Variants in BRF1 observed in about 807,000 individuals in gnomAD.
The protein encoded by BRF1 is transcription factor IIIB 90 kDa subunit.
BRF1 carries 59 observed loss-of-function variants against 81.7 expected under a neutral mutation model. That is an observed-to-expected ratio of 0.72 (90% CI 0.59 to 0.90). BRF1 has a LOEUF of 0.90. Ranked by LOEUF, BRF1 falls within the 40% of genes least tolerant of loss-of-function variation. BRF1 has a pLI of 0.00. For missense variants in BRF1, 1,050 were observed against 936.3 expected (o/e 1.12, Z -1.58); for synonymous variants, 491 against 395.6 (o/e 1.24, Z -2.86).
chr14:105,219,093 A>AC (rs958617367), intron 13 of BRF1, 40 bp from the exon 14 acceptor site: 2 of 1,613,960 alleles, frequency 1.2e-6, no homozygotes, highest in Non-Finnish European at 1.7e-6. Context: ...CTGAGGGCCC[A>AC]CGCCCCAGGC....
chr14:105,262,728 C>G (rs1287082954), intron 3 of BRF1, among the ~76,000 whole-genome samples: 1 of 152,188 alleles, frequency 6.6e-6, no homozygotes, highest in Non-Finnish European at 1.5e-5. Context: ...GCTCCCAGCC[C>G]CTGGCTTTCA....
At chr14:105,268,442 C>T (rs2056517945) in intron 3 of BRF1, among the ~76,000 whole-genome samples, 1 of 152,242 alleles carries the variant, frequency 6.6e-6, no homozygotes. Flanking sequence ...CTCCAGGAAT[C>T]CGGGACTGGC....
At chr14:105,291,781 T>G (rs966786642) in intron 1 of BRF1, among the ~76,000 whole-genome samples, 36 of 152,044 alleles carry the variant, frequency 2.4e-4, no homozygotes, top group Non-Finnish European at 4.0e-4. Context: ...GTGGATCACC[T>G]GAGGTCAGGA....
chr14:105,281,447 C>A (rs1256339318), intron 2 of BRF1, among the ~76,000 whole-genome samples: 1 of 147,950 alleles, frequency 6.8e-6, no homozygotes, highest in Non-Finnish European at 1.5e-5. Flanking sequence ...ATCCTGAGCC[C>A]GGGTGTGTGG....
intron 5 of BRF1, chr14:105,241,918 C>T (rs775318710): frequency 5.9e-5 from 11 of 186,436 alleles, no homozygotes; most frequent in Non-Finnish European, 9.1e-5. Flanking sequence ...TGAGGCCTGG[C>T]GCTGTGCACC....
chr14:105,217,248 G>A, intron 15 of BRF1: 2 of 524,270 alleles, frequency 3.8e-6, no homozygotes, highest in Non-Finnish European at 3.4e-6. Flanking sequence ...GCTGGAGAAG[G>A]CACCGACCCC....
rs901653032 is a variant in BRF1, at chr14:105,210,670, G to GC, written c.1997-83dup. On this transcript the variant is annotated intron_variant, in intron 17 of 17. Coordinates refer to ENST00000547530, the MANE Select transcript of BRF1 (RefSeq NM_001519.4). The surrounding 1 kb of genome is among the most constrained non-coding windows in gnomAD (Gnocchi z 4.7). ...CCCCCCAACCCGCCCTGTTCCTGGTGCCCCCCTAGAAGACTCAGGCTCCAG... is the reference window on the plus strand; with the variant it reads ...CCCCCCAACCCGCCCTGTTCCTGGTGCCCCCCCTAGAAGACTCAGGCTCCAG... 9 of 1,489,756 alleles carry GC rather than the reference G, an allele frequency of 6.0e-6. No homozygotes were observed. In the Admixed American group the frequency reaches 1.3e-4, roughly 21 times the overall value. The allele number at this position is 1,489,756 out of a possible 1,614,324, so 92.3% of individuals were successfully genotyped here.
At chr14:105,265,828 G>A (rs781761011) in intron 3 of BRF1, among the ~76,000 whole-genome samples, 6 of 149,726 alleles carry the variant, frequency 4.0e-5, no homozygotes, top group African/African-American at 7.4e-5. Context: ...GTGAACCCGC[G>A]AGGCAGAGCT....
intron 1 of BRF1, among the ~76,000 whole-genome samples, chr14:105,313,186 C>A (rs1338475792): frequency 6.6e-6 from 1 of 152,216 alleles, no homozygotes; most frequent in African/African-American, 2.4e-5. Context: ...ATGTGTCAGG[C>A]GGCCCATCCG....
intron 5 of BRF1, chr14:105,249,435 C>A (rs1279482059): frequency 1.2e-6 from 2 of 1,613,642 alleles, no homozygotes; most frequent in Non-Finnish European, 8.5e-7. Flanking sequence ...ATCTGAAATT[C>A]ACATTCCAGA....
At chr14:105,301,586 C>T (rs368071535), upstream of BRF1, among the ~76,000 whole-genome samples, 4 of 152,332 alleles carry the variant, frequency 2.6e-5, no homozygotes, top group African/African-American at 9.6e-5. Flanking sequence ...CCTGCCCCGC[C>T]CTCCGCATTT....
At chr14:105,315,577 T>C (rs1262589774), upstream of BRF1, 1 of 152,314 alleles carries the variant, frequency 6.6e-6, no homozygotes, top group Non-Finnish European at 1.5e-5. The surrounding 1 kb of genome is among the most constrained non-coding windows in gnomAD (Gnocchi z 4.4). Context: ...GTCTCTCATT[T>C]AGAGGCGTCG....
chr14:105,296,369 CG>C (rs1366843195), intron 1 of BRF1, among the ~76,000 whole-genome samples: 5 of 151,898 alleles, frequency 3.3e-5, no homozygotes, highest in Admixed American at 3.3e-4. Context: ...AAAAATTAGC[CG>C]GGCGTGGTGC....
At chr14:105,281,022 T>C (rs1449933680) in intron 2 of BRF1, among the ~76,000 whole-genome samples, 3 of 145,580 alleles carry the variant, frequency 2.1e-5, no homozygotes, top group Non-Finnish European at 4.5e-5. Flanking sequence ...TGCGTGACCC[T>C]GAGCCCAGGT....
intron 3 of BRF1, among the ~76,000 whole-genome samples, chr14:105,270,158 C>A (rs888519491): frequency 6.9e-6 from 1 of 144,700 alleles, no homozygotes; most frequent in Non-Finnish European, 1.5e-5. Context: ...TGACAAATTT[C>A]AAAATGTTGA....
intron 3 of BRF1, among the ~76,000 whole-genome samples, chr14:105,266,305 C>T (rs965785058): frequency 3.3e-5 from 5 of 152,074 alleles, no homozygotes; most frequent in Non-Finnish European, 5.9e-5. Flanking sequence ...CCCGGCTACT[C>T]GGGATGCTGA....
chr14:105,254,149 AG>A (rs1456900174), intron 4 of BRF1, among the ~76,000 whole-genome samples: 3 of 152,250 alleles, frequency 2.0e-5, no homozygotes, highest in Admixed American at 6.5e-5. Flanking sequence ...CCAGAGACAC[AG>A]GGATCAATGA....
At chr14:105,241,752 C>G (rs950560706) in intron 5 of BRF1, 9 of 345,780 alleles carry the variant, frequency 2.6e-5, no homozygotes, top group East Asian at 1.8e-4. Context: ...GCACCACACG[C>G]AACAACGGTC....
At chr14:105,244,701 G>T (rs1043870726) in intron 5 of BRF1, among the ~76,000 whole-genome samples, 5 of 151,726 alleles carry the variant, frequency 3.3e-5, no homozygotes, top group African/African-American at 1.2e-4. Context: ...CAATAATAGG[G>T]GATTTTAACA....
Sources: gnomAD v4.1 joint callset for allele counts (sites outside exome capture counted in the v4.1 genomes callset) on GRCh38, gnomAD v4.1.1 for gene constraint, Gnocchi (gnomAD v3.1) non-coding constraint, MANE v1.5 for transcripts, NCBI Gene and HGNC (gene_info 2026-07-23, HGNC 2026-07-21) for gene names.